ZNF652: variants seen among roughly 807,000 people sequenced by gnomAD.
ZNF652 encodes the protein zinc finger protein 652.
Under a neutral mutation model 45.2 loss-of-function variants are expected in ZNF652, and 16 were observed. The observed-to-expected ratio is 0.35, with a 90% CI of 0.24 to 0.54. ZNF652 has a LOEUF of 0.54. ZNF652 is among the 20% of genes least tolerant of loss of function. The pLI is 0.91. For missense variants in ZNF652, 614 were observed against 765.6 expected (o/e 0.80, Z 2.34); for synonymous variants, 250 against 260.6 (o/e 0.96, Z 0.39).
At position 49,297,728 on chromosome 17, in the gene ZNF652, T is replaced by A. The variant is rs1168110400; in HGVS notation, c.*685A>T. 2.6e-5 allele frequency: 4 copies of A among 152,600 alleles called. No homozygotes were observed. The highest frequency in any genetic ancestry group is 4.4e-5 in the Non-Finnish European group (3 of 68,034). The allele number at this position is 152,600 out of a possible 1,614,324, so 9.5% of individuals were successfully genotyped here. A position where few individuals can be genotyped will look rare whatever the true frequency, so the allele number is the denominator to read the frequency against. The stretch of plus-strand genomic sequence containing the variant: ...AATCACATTTTGATGATTATAAAAA[T>A]TTTTTTCTATTTTACAACATAGGTT... On this transcript the variant is annotated 3_prime_UTR_variant, in exon 6 of 6. Transcript: ENST00000430262.
chr17:49,288,631 T>C (rs1254416112), downstream of ZNF652, among the ~76,000 whole-genome samples: 1 of 152,126 alleles, frequency 6.6e-6, no homozygotes, highest in Non-Finnish European at 1.5e-5. Flanking sequence ...GAAAGCAGGG[T>C]CTGTGAGAGT....
chr17:49,335,216 T>C (rs75092916), intron 1 of ZNF652, among the ~76,000 whole-genome samples: 8,517 of 152,300 alleles, frequency 0.056, 323 homozygotes, highest in Middle Eastern at 0.14. Flanking sequence ...AAATAAATTA[T>C]GATATTTTGT....
chr17:49,345,409 G>T (rs977045572), intron 1 of ZNF652, among the ~76,000 whole-genome samples: 27 of 151,192 alleles, frequency 1.8e-4, no homozygotes, highest in African/African-American at 6.1e-4. Flanking sequence ...CACCATGTTG[G>T]CCAGCTAGTC....
chr17:49,316,659 A>C (rs1237302717), intron 2 of ZNF652, among the ~76,000 whole-genome samples, 167 bp downstream of exon 2: 2 of 152,238 alleles, frequency 1.3e-5, no homozygotes, highest in African/African-American at 4.8e-5. Flanking sequence ...CTTTTGAAAT[A>C]AAAGCCTTGG....
At chr17:49,301,696 C>T (rs990018462) in intron 5 of ZNF652, among the ~76,000 whole-genome samples, 2 of 152,132 alleles carry the variant, frequency 1.3e-5, no homozygotes, top group Admixed American at 6.6e-5. Context: ...AGATTGTTTT[C>T]CTTCTTTTTA....
rs530729556 is a variant in ZNF652 at position 49,309,055 on chromosome 17, C to T, written c.1309+2257G>A. Among the ~76,000 whole-genome samples, 7 of 152,086 alleles carry T rather than the reference C, an allele frequency of 4.6e-5. No individual in the cohort carries two copies. In the East Asian group the frequency reaches 1.2e-3, roughly 25 times the overall value. ...AGGAAGGAATGGGGAGAAAAACACA[C>T]AGGGAGACAGGCAGAGAAGATAAGG... On this transcript the variant is annotated intron_variant, in intron 5 of 5. Transcript: ENST00000430262.
intron 1 of ZNF652, among the ~76,000 whole-genome samples, chr17:49,335,578 A>C (rs2070071643): frequency 6.6e-6 from 1 of 152,104 alleles, no homozygotes; most frequent in Non-Finnish European, 1.5e-5. Context: ...TTAAAAAAAA[A>C]CTGTGTCTAA....
At chr17:49,326,831 A>C (rs2143835228) in intron 1 of ZNF652, among the ~76,000 whole-genome samples, 1 of 152,206 alleles carries the variant, frequency 6.6e-6, no homozygotes, top group Middle Eastern at 3.4e-3. Flanking sequence ...TCTTTCATGG[A>C]TCTCTGGATC....
chr17:49,301,145 T>C (rs2069546895), intron 5 of ZNF652, among the ~76,000 whole-genome samples: 1 of 152,196 alleles, frequency 6.6e-6, no homozygotes, highest in African/African-American at 2.4e-5. Context: ...CCAAATTTCT[T>C]GTCTCCAGCT....
chr17:49,326,208 A>G (rs931916467), intron 1 of ZNF652, among the ~76,000 whole-genome samples: 2 of 146,616 alleles, frequency 1.4e-5, no homozygotes, highest in African/African-American at 5.1e-5. Flanking sequence ...AGCCCAGGAG[A>G]CCAGCCTGGG....
intron 1 of ZNF652, among the ~76,000 whole-genome samples, chr17:49,345,400 A>C (rs1460379808): frequency 6.6e-6 from 1 of 151,306 alleles, no homozygotes; most frequent in Non-Finnish European, 1.5e-5. Context: ...ACGGGGTTTC[A>C]CCATGTTGGC....
intron 1 of ZNF652, among the ~76,000 whole-genome samples, chr17:49,359,639 G>A (rs2070372467): frequency 1.3e-5 from 2 of 152,088 alleles, no homozygotes; most frequent in Non-Finnish European, 2.9e-5. Context: ...CAATACGACC[G>A]AAAGGCAAAA....
chr17:49,317,340 T>C lies in ZNF652; in HGVS notation c.386A>G (p.Asn129Ser). 1.2e-6 allele frequency: 2 copies of C among 1,613,794 alleles called. No individual in the cohort carries two copies. Among genetic ancestry groups the C allele is most frequent in the Non-Finnish European group, 1.7e-6 (2 of 1,180,020 alleles). ...GACACCCTTTTCCCCTTTAGATACATTTAATGTTTGATTATTAAGGTTTAC... is the reference window on the plus strand; with the variant it reads ...GACACCCTTTTCCCCTTTAGATACACTTAATGTTTGATTATTAAGGTTTAC... ...VEVNLNNQTL[N>S]VSKGEKGVSS... The change falls in exon 2 of 6, where the codon AAT becomes AGT. Residue 129 changes from asparagine (N) to serine (S), a missense_variant. By Grantham distance (46) the Asn-to-Ser change is conservative. Transcript: ENST00000430262.
chr17:49,319,086 T>C (rs903194038), intron 1 of ZNF652, among the ~76,000 whole-genome samples: 1 of 151,814 alleles, frequency 6.6e-6, no homozygotes, highest in Non-Finnish European at 1.5e-5. Flanking sequence ...CCATCCAATA[T>C]TAATTTTTAA....
At position 49,305,513 on chromosome 17, in the gene ZNF652, A is replaced by AGTAAAGTGCTTACAACAGTATCTG. The variant is rs1290866345; in HGVS notation, c.1309+5775_1309+5798dup. On this transcript the variant is annotated intron_variant, in intron 5 of 5. Transcript: ENST00000430262. ...ATAGATTATTATGATACAAAACGCA[A>AGTAAAGTGCTTACAACAGTATCTG]GTAAAGTGCTTACAACAGTATCTGG... Among the ~76,000 whole-genome samples the AGTAAAGTGCTTACAACAGTATCTG allele has an allele frequency of 5.3e-5, 8 of 152,086 alleles. No individual in the cohort carries two copies. In the East Asian group the frequency reaches 5.8e-4, roughly 11 times the overall value.
rs1462083993 is a variant in ZNF652 at position 49,298,581 on chromosome 17, G to A, written c.1653C>T (p.His551=). 1.2e-5 allele frequency: 19 copies of A among 1,611,768 alleles called. No individual in the cohort carries two copies. Among genetic ancestry groups the A allele is most frequent in the Non-Finnish European group, 1.5e-5 (18 of 1,179,076 alleles). The change falls in exon 6 of 6, where the codon CAC becomes CAT. Residue 551 remains histidine, a synonymous_variant. Coordinates refer to ENST00000430262, the MANE Select transcript of ZNF652 (RefSeq NM_001145365.3). ...RPIPHPFSHL[H]IHPHPHHPHH... is the part of the protein sequence containing the mutation. ...GTGGGTGGTGAGGGTGTGGGTGGAT[G>A]TGCAGGTGTGAGAAGGGGTGGGGGA...
At chr17:49,354,736 CTTTT>C (rs916912276) in intron 1 of ZNF652, among the ~76,000 whole-genome samples, 5 of 151,152 alleles carry the variant, frequency 3.3e-5, no homozygotes, top group African/African-American at 1.2e-4. Flanking sequence ...TTTTCTTTTT[CTTTT>C]TTTTGAGATG....
At position 49,297,442 on chromosome 17, in the gene ZNF652, C is replaced by T. The variant is rs1567910827; in HGVS notation, c.*971G>A. On this transcript the variant is annotated 3_prime_UTR_variant, in exon 6 of 6. Coordinates refer to ENST00000430262, the MANE Select transcript of ZNF652 (RefSeq NM_001145365.3). Reference sequence around the variant, plus strand: ...TGACTTCCCTGGAAAAGGCCCCATCCCCTGCAAATCATTTCATGTAATGCA... The same window carrying T: ...TGACTTCCCTGGAAAAGGCCCCATCTCCTGCAAATCATTTCATGTAATGCA... The T allele has an allele frequency of 6.6e-6, 1 of 152,514 alleles. No individual in the cohort carries two copies. Among genetic ancestry groups the T allele is most frequent in the East Asian group, 1.9e-4 (1 of 5,182 alleles). 9.4% of individuals were successfully genotyped at this position (152,514 alleles called of 1,614,324 possible).
Position 49,293,655 on chromosome 17 carries a change from TAAAA to T in ZNF652, c.*4754_*4757del, listed in dbSNP as rs10609861. 1.7e-3 allele frequency among the ~76,000 whole-genome samples: 136 copies of T among 78,298 alleles called. 1 individual carries two copies. Among genetic ancestry groups the T allele is most frequent in the African/African-American group, 2.6e-3 (63 of 23,970 alleles). 51.4% of individuals were successfully genotyped at this position (78,298 alleles called of 152,430 possible). A position where few individuals can be genotyped will look rare whatever the true frequency, so the allele number is the denominator to read the frequency against. On this transcript the variant is annotated 3_prime_UTR_variant, in exon 6 of 6. Transcript: ENST00000430262. ...CTAATGGCTTATGACCTTTCATTCC[TAAAA>T]AAAAAAAAAAAAAAAAAAAAAAAAA...
Sources: allele counts gnomAD v4.1 joint callset (sites outside exome capture counted in the v4.1 genomes callset), GRCh38; gene constraint gnomAD v4.1.1; transcripts MANE v1.5; gene names NCBI Gene and HGNC (gene_info 2026-07-23, HGNC 2026-07-21).